The following AGMO variants were observed in gnomAD, a reference collection of about 807,000 sequenced individuals.
AGMO encodes alkylglycerol monooxygenase, also known as glyceryl-ether monooxygenase.
Under a neutral mutation model 60.2 loss-of-function variants are expected in AGMO, and 75 were observed. The ratio of observed to expected loss-of-function variants is 1.25; its 90% CI spans 1.03 to 1.51. The LOEUF (loss-of-function observed/expected upper bound fraction) is 1.51, where lower values mean the gene tolerates loss of function less well. Among genes scored for constraint, AGMO ranks in the 40% most tolerant of loss-of-function variants. AGMO has a pLI of 0.00. For missense variants in AGMO, 763 were observed against 525.5 expected (o/e 1.45, Z -4.42); for synonymous variants, 261 against 177.1 (o/e 1.47, Z -3.76).
downstream of AGMO, chr7:15,200,198 T>G (rs1400251634): frequency 8.3e-6 from 1 of 120,088 alleles, no homozygotes; most frequent in Admixed American, 8.0e-5. Context: ...AATAAAGATT[T>G]TTTTTTTAAC....
the AGMO span, among the ~76,000 whole-genome samples, chr7:15,158,545 T>C: frequency 1.3e-5 from 2 of 152,338 alleles, no homozygotes; most frequent in South Asian, 4.1e-4. Context: ...TTCCCATGCA[T>C]GAGTCTTACT....
chr7:15,443,139 A>C (rs535353199), intron 3 of AGMO, among the ~76,000 whole-genome samples: 1 of 152,358 alleles, frequency 6.6e-6, no homozygotes, highest in East Asian at 1.9e-4. Flanking sequence ...TGGTACACCA[A>C]GGCAGGAAAC....
At chr7:15,227,503 C>T (rs573642644) in intron 12 of AGMO, among the ~76,000 whole-genome samples, 1 of 145,162 alleles carries the variant, frequency 6.9e-6, no homozygotes, top group Admixed American at 6.8e-5. Flanking sequence ...TATAGGATGG[C>T]AGATTAAAAA....
intron 12 of AGMO, among the ~76,000 whole-genome samples, chr7:15,322,467 A>T (rs376072785): frequency 1.9e-4 from 14 of 72,108 alleles, no homozygotes; most frequent in Non-Finnish European, 2.4e-4. Flanking sequence ...AATATATATA[A>T]ATATATAAAT....
chr7:15,455,532 A>G (rs1481619355), intron 3 of AGMO, among the ~76,000 whole-genome samples: 1 of 152,090 alleles, frequency 6.6e-6, no homozygotes, highest in African/African-American at 2.4e-5. Flanking sequence ...CCTTTTTACA[A>G]GATGCCGCTT....
At chr7:15,302,203 CTT>C (rs1780465444) in intron 12 of AGMO, among the ~76,000 whole-genome samples, 1 of 152,114 alleles carries the variant, frequency 6.6e-6, no homozygotes. Flanking sequence ...GATAATTTCT[CTT>C]GAAGATAAAC....
At chr7:15,132,395 A>C in the AGMO span, among the ~76,000 whole-genome samples, 3 of 152,060 alleles carry the variant, frequency 2.0e-5, no homozygotes, top group Non-Finnish European at 2.9e-5. Context: ...ACAACAGAAA[A>C]ATCTGATGTG....
chr7:15,178,697 A>G, the AGMO span, among the ~76,000 whole-genome samples: 1 of 152,164 alleles, frequency 6.6e-6, no homozygotes, highest in East Asian at 1.9e-4. Flanking sequence ...ACTGTTATGT[A>G]ACATTTTGCA....
intron 3 of AGMO, among the ~76,000 whole-genome samples, chr7:15,509,361 G>A (rs1411673182): frequency 1.5e-5 from 2 of 129,062 alleles, no homozygotes. Context: ...GAGAACTGTA[G>A]ACCCACATGC....
chr7:15,278,692 G>C (rs544279288), intron 12 of AGMO, among the ~76,000 whole-genome samples: 5 of 152,144 alleles, frequency 3.3e-5, no homozygotes, highest in Non-Finnish European at 7.3e-5. Flanking sequence ...AGTAGATTTC[G>C]CTGTCCAGAA....
intron 4 of AGMO, among the ~76,000 whole-genome samples, chr7:15,419,052 C>T (rs1780858297): frequency 6.6e-6 from 1 of 151,684 alleles, no homozygotes; most frequent in Admixed American, 6.6e-5. Flanking sequence ...GTATTATTAC[C>T]TGGCATTTTC....
intron 3 of AGMO, among the ~76,000 whole-genome samples, chr7:15,479,891 G>A (rs544743586): frequency 5.3e-4 from 81 of 152,204 alleles, no homozygotes; most frequent in African/African-American, 1.9e-3. Flanking sequence ...GAAAGAACTC[G>A]ATTAGGAAGG....
intron 3 of AGMO, among the ~76,000 whole-genome samples, chr7:15,451,815 CA>C (rs565062804): frequency 5.3e-5 from 8 of 151,110 alleles, no homozygotes; most frequent in Admixed American, 6.6e-5. Flanking sequence ...ATTTATAGAC[CA>C]AAAAAAAGGG....
intron 12 of AGMO, among the ~76,000 whole-genome samples, chr7:15,322,103 C>T (rs1384089669): frequency 6.6e-6 from 1 of 151,678 alleles, no homozygotes; most frequent in Admixed American, 6.6e-5. Context: ...CCCAGGAATT[C>T]AAGTTCAGCC....
the AGMO span, among the ~76,000 whole-genome samples, chr7:15,178,129 TG>T: frequency 1.3e-5 from 2 of 152,142 alleles, no homozygotes; most frequent in African/African-American, 4.8e-5. Flanking sequence ...ACTGCCCTTT[TG>T]GGGGAGTGGA....
chr7:15,395,848 C>T (rs1040817499), intron 5 of AGMO, among the ~76,000 whole-genome samples: 1 of 152,058 alleles, frequency 6.6e-6, no homozygotes, highest in Non-Finnish European at 1.5e-5. Flanking sequence ...TTTTTGACAA[C>T]CTCTGGCATT....
At chr7:15,139,820 C>CAAAAAAAAAAAAAA in the AGMO span, among the ~76,000 whole-genome samples, 17 of 66,266 alleles carry the variant, frequency 2.6e-4, no homozygotes, top group African/African-American at 6.3e-4. Context: ...TCTCAAAAGA[C>CAAAAAAAAAAAAAA]AAAAAAAAAA....
chr7:15,252,686 T>C (rs1782974394), intron 12 of AGMO, among the ~76,000 whole-genome samples: 1 of 152,202 alleles, frequency 6.6e-6, no homozygotes, highest in Admixed American at 6.5e-5. Context: ...GGCAAAGCTA[T>C]GGTGATAACT....
At chr7:15,279,236 T>C (rs944590492) in intron 12 of AGMO, among the ~76,000 whole-genome samples, 1 of 152,118 alleles carries the variant, frequency 6.6e-6, no homozygotes. Context: ...ATCCCTTCCC[T>C]GCATTAGGGG....
Sources: allele counts gnomAD v4.1 joint callset (sites outside exome capture counted in the v4.1 genomes callset), GRCh38; gene constraint gnomAD v4.1.1; transcripts MANE v1.5; gene names NCBI Gene and HGNC (gene_info 2026-07-23, HGNC 2026-07-21).